KCNG2: variants seen among roughly 807,000 people sequenced by gnomAD.
KCNG2 encodes the protein voltage-gated potassium channel regulatory subunit KCNG2.
A neutral mutation model predicts 12.3 loss-of-function variants in KCNG2; 7 were observed. The observed-to-expected ratio is 0.57, with a 90% CI of 0.32 to 1.07. KCNG2 has a LOEUF of 1.07. Among genes scored for constraint, KCNG2 ranks in the 50% least tolerant of loss-of-function variants. The pLI is 0.04. For synonymous variants in KCNG2, 414 were observed against 351.4 expected (o/e 1.18, Z -1.99); for missense variants, 703 against 726.0 (o/e 0.97, Z 0.36).
intron 2 of KCNG2, among the ~76,000 whole-genome samples, chr18:79,860,899 G>T (rs1979189405): frequency 2.0e-5 from 3 of 152,158 alleles, no homozygotes; most frequent in Admixed American, 2.0e-4. Context: ...CTGGTCTTAG[G>T]GGAAAGAATC....
At chr18:79,882,883 C>T (rs143013335) in intron 3 of KCNG2, among the ~76,000 whole-genome samples, 8,904 of 143,532 alleles carry the variant, frequency 0.062, 172 homozygotes, top group South Asian at 0.24. Context: ...GCGTGGAGCG[C>T]GGAGGCCGGG....
At chr18:79,864,995 AGAGGTCTGGGTGCT>A (rs1979409650) in intron 3 of KCNG2, among the ~76,000 whole-genome samples, 1 of 142,294 alleles carries the variant, frequency 7.0e-6, no homozygotes, top group African/African-American at 2.7e-5. Flanking sequence ...CTGTGTGCTG[AGAGGTCTGGGTGCT>A]GAGGTCTCGG....
intron 1 of KCNG2, among the ~76,000 whole-genome samples, chr18:79,835,669 G>C (rs1389827259): frequency 6.6e-6 from 1 of 152,198 alleles, no homozygotes; most frequent in East Asian, 1.9e-4. Context: ...CCTTCTCCAC[G>C]TGAGTTTTCT....
At chr18:79,804,069 G>A (rs1282904951) in intron 1 of KCNG2, among the ~76,000 whole-genome samples, 2 of 152,154 alleles carry the variant, frequency 1.3e-5, no homozygotes. Context: ...CTGGGAGCAC[G>A]ATCATGGGGT....
intron 3 of KCNG2, among the ~76,000 whole-genome samples, chr18:79,872,287 T>TG (rs1555695119): frequency 5.3e-4 from 60 of 113,572 alleles, no homozygotes; most frequent in African/African-American, 1.8e-3. Flanking sequence ...TCAGTTTTTT[T>TG]TTTTTTTTTT....
At chr18:79,853,462 G>A (rs892674213) in intron 1 of KCNG2, among the ~76,000 whole-genome samples, 6 of 152,178 alleles carry the variant, frequency 3.9e-5, no homozygotes, top group Admixed American at 6.5e-5. Flanking sequence ...CCTGGGTGCC[G>A]AGGGGAGCAA....
Position 79,822,800 on chromosome 18 carries a change from C to A in KCNG2, c.-115+24786C>A, listed in dbSNP as rs190131869. 6.6e-6 allele frequency among the ~76,000 whole-genome samples: 1 copy of A among 152,144 alleles called. No individual in the cohort carries two copies. Reference sequence around the variant, plus strand: ...TGTGGCTCTTCTAGTCTTTAGCCTCCGGATTTCATGGAAACACATTTTCCA... The same window carrying A: ...TGTGGCTCTTCTAGTCTTTAGCCTCAGGATTTCATGGAAACACATTTTCCA... On this transcript the variant is annotated intron_variant, in intron 1 of 3. Coordinates refer to ENST00000316249, the MANE Select transcript of KCNG2 (RefSeq NM_012283.2). The surrounding 1 kb of genome is among the most constrained non-coding windows in gnomAD (Gnocchi z 4.4).
chr18:79,887,971 T>G (rs1010338275), intron 3 of KCNG2, among the ~76,000 whole-genome samples: 3 of 152,220 alleles, frequency 2.0e-5, no homozygotes, highest in Admixed American at 2.0e-4. Context: ...GCTCACAGGG[T>G]AATAGCCTTG....
In KCNG2 at chr18:79,800,706, C is replaced by T. The variant is rs969792666; in HGVS notation, c.-115+2692C>T. Among the ~76,000 whole-genome samples the T allele has an allele frequency of 2.6e-5, 4 of 152,178 alleles. No individual in the cohort carries two copies. Among genetic ancestry groups the T allele is most frequent in the African/African-American group, 4.8e-5 (2 of 41,444 alleles). On this transcript the variant is annotated intron_variant, in intron 1 of 3. Coordinates refer to ENST00000316249, the MANE Select transcript of KCNG2 (RefSeq NM_012283.2). This position sits in a 1 kb window ranked among gnomAD's most constrained non-coding sequence, Gnocchi z 4.0. ...CCCCGGGCGGGCGGCGCTGAGCAGA[C>T]GGGAGGTGGGCTGGTGCCTATGGTT... is the stretch of plus-strand genomic sequence containing the variant.
intron 1 of KCNG2, among the ~76,000 whole-genome samples, chr18:79,841,270 G>A (rs113123133): frequency 1.0e-3 from 154 of 152,212 alleles, no homozygotes; most frequent in African/African-American, 3.4e-3. Context: ...GGTGTTGCCT[G>A]GGTGACAGAG....
rs1980564439 is a variant in KCNG2, at chr18:79,887,357, GAC to G, written c.625-11678_625-11677del. Among the ~76,000 whole-genome samples, 3 of 152,050 alleles carry G rather than the reference GAC, an allele frequency of 2.0e-5. No homozygotes were observed. In the South Asian group the frequency reaches 6.2e-4, roughly 31 times the overall value. On this transcript the variant is annotated intron_variant, in intron 3 of 3. Transcript: ENST00000316249. ...CCAGAGGCCACGGGACTGTTTCCAGGACACACTGGGCTCAGAGCCACGGGGCT... is the reference window on the plus strand; with the variant it reads ...CCAGAGGCCACGGGACTGTTTCCAGGACACTGGGCTCAGAGCCACGGGGCT...
intron 3 of KCNG2, among the ~76,000 whole-genome samples, chr18:79,883,128 G>A (rs1236582156): frequency 6.6e-6 from 1 of 152,248 alleles, no homozygotes; most frequent in South Asian, 2.1e-4. Context: ...AAGGGTGGGT[G>A]CCCGGGACAG....
At chr18:79,814,165 C>A (rs565637764) in intron 1 of KCNG2, among the ~76,000 whole-genome samples, 1 of 152,350 alleles carries the variant, frequency 6.6e-6, no homozygotes, top group South Asian at 2.1e-4. Flanking sequence ...TGTAAAATGG[C>A]TCAGCAACTC....
At chr18:79,849,896 GCGAGACCCCACC>G (rs1978757809) in intron 1 of KCNG2, among the ~76,000 whole-genome samples, 1 of 149,948 alleles carries the variant, frequency 6.7e-6, no homozygotes, top group Admixed American at 7.4e-5. Flanking sequence ...TGGGAGGGAG[GCGAGACCCCACC>G]TGGCCGTGGG....
chr18:79,825,040 T>C (rs2087602125), intron 1 of KCNG2, among the ~76,000 whole-genome samples: 1 of 152,138 alleles, frequency 6.6e-6, no homozygotes, highest in Admixed American at 6.6e-5. Flanking sequence ...GGAGACTATC[T>C]AGGCTTTATA....
intron 3 of KCNG2, among the ~76,000 whole-genome samples, chr18:79,864,972 GGTGCTGAGAGGTCTGT>G (rs777776410): frequency 8.1e-6 from 1 of 123,056 alleles, no homozygotes; most frequent in African/African-American, 3.0e-5. Flanking sequence ...CGGAAGTCTG[GGTGCTGAGAGGTCTGT>G]GTGCTGAGAG....
Position 79,864,303 on chromosome 18 carries a change from C to CG in KCNG2, c.624+17dup. 1 of 1,296,594 alleles carries CG rather than the reference C, an allele frequency of 7.7e-7. No individual in the cohort carries two copies. Among genetic ancestry groups the CG allele is most frequent in the Non-Finnish European group, 9.9e-7 (1 of 1,009,570 alleles). 80.3% of individuals were successfully genotyped at this position (1,296,594 alleles called of 1,614,324 possible). On this transcript the variant is annotated intron_variant, in intron 3 of 3. Transcript: ENST00000316249. Reference sequence around the variant, plus strand: ...CCGAGGAGGAGCGGGTGAGCGCGGCCGGGGGTGGCGGGGACCGGGCCGGAG... The same window carrying CG: ...CCGAGGAGGAGCGGGTGAGCGCGGCCGGGGGGTGGCGGGGACCGGGCCGGAG...
intron 3 of KCNG2, among the ~76,000 whole-genome samples, chr18:79,888,918 A>G (rs1448585272): frequency 6.6e-6 from 1 of 152,046 alleles, no homozygotes; most frequent in African/African-American, 2.4e-5. Flanking sequence ...ACCTCAAATG[A>G]TCTGCCCACC....
At chr18:79,851,093 G>A (rs746492052) in intron 1 of KCNG2, among the ~76,000 whole-genome samples, 14 of 152,134 alleles carry the variant, frequency 9.2e-5, no homozygotes, top group Non-Finnish European at 1.5e-4. Flanking sequence ...AAGGTGAATC[G>A]GCAGCTGCTG....
Sources: allele counts gnomAD v4.1 joint callset (sites outside exome capture counted in the v4.1 genomes callset), GRCh38; gene constraint gnomAD v4.1.1; non-coding constraint Gnocchi (gnomAD v3.1); transcripts MANE v1.5; gene names NCBI Gene and HGNC (gene_info 2026-07-23, HGNC 2026-07-21).